SH3BGRL: variants seen among roughly 807,000 people sequenced by gnomAD.
SH3BGRL encodes the protein adapter SH3BGRL.
SH3BGRL carries 7 observed loss-of-function variants against 9.8 expected under a neutral mutation model. The observed-to-expected ratio is 0.72, with a 90% confidence interval of 0.41 to 1.35. SH3BGRL has a LOEUF of 1.35. SH3BGRL is among the 40% of genes most tolerant of loss of function. SH3BGRL has a pLI of 0.01. For missense variants in SH3BGRL, 73 were observed against 84.4 expected (o/e 0.86, Z 0.53); for synonymous variants, 36 against 29.1 (o/e 1.24, Z -0.76).
chrX:81,262,288 G>A (rs1482726743), intron 1 of SH3BGRL, among the ~76,000 whole-genome samples: 2 of 111,354 alleles, frequency 1.8e-5, no homozygotes, highest in Non-Finnish European at 3.8e-5. Flanking sequence ...ACTATAACCA[G>A]TTATTCAAGG....
intron 1 of SH3BGRL, among the ~76,000 whole-genome samples, chrX:81,211,627 C>A (rs189066986): frequency 9.0e-6 from 1 of 111,156 alleles, no homozygotes; most frequent in Non-Finnish European, 1.9e-5. Flanking sequence ...GGCAGATCCA[C>A]CCTAAATCTG....
intron 1 of SH3BGRL, among the ~76,000 whole-genome samples, chrX:81,226,510 A>C (rs1379819547): frequency 2.9e-5 from 3 of 103,492 alleles, no homozygotes; most frequent in Non-Finnish European, 5.9e-5. Context: ...ATATATATCT[A>C]TATATATATA....
intron 3 of SH3BGRL, among the ~76,000 whole-genome samples, chrX:81,281,538 A>C (rs2075816601): frequency 8.9e-6 from 1 of 112,250 alleles, no homozygotes; most frequent in Non-Finnish European, 1.9e-5. Context: ...CAAAATGATT[A>C]TCAGCCAACA....
Position 81,260,478 on chromosome X carries a change from T to C in SH3BGRL, c.46-16506T>C, listed in dbSNP as rs140327946. 4.7e-3 allele frequency among the ~76,000 whole-genome samples: 528 copies of C among 111,574 alleles called. 4 individuals are homozygous for C. The highest frequency in any genetic ancestry group is 0.016 in the African/African-American group (506 of 30,754). On this transcript the variant is annotated intron_variant, in intron 1 of 3. Coordinates refer to ENST00000373212, the MANE Select transcript of SH3BGRL (RefSeq NM_003022.3). ...CACTTAATACATAATAATTATTGTA[T>C]TATACTTTACAATACAATTATATCT...
intron 1 of SH3BGRL, among the ~76,000 whole-genome samples, chrX:81,273,793 A>T (rs1289928286): frequency 1.8e-5 from 2 of 110,069 alleles, no homozygotes; most frequent in Non-Finnish European, 3.8e-5. Context: ...AAACTTTGTC[A>T]CTCCCCTTTT....
intron 1 of SH3BGRL, among the ~76,000 whole-genome samples, chrX:81,267,191 C>G (rs11161760): frequency 9.0e-6 from 1 of 111,492 alleles, no homozygotes; most frequent in African/African-American, 3.3e-5. Context: ...AATTGAATAC[C>G]CTTTATTTCT....
chrX:81,279,917 G>A, intron 3 of SH3BGRL, among the ~76,000 whole-genome samples: 1 of 111,772 alleles, frequency 8.9e-6, no homozygotes, highest in Admixed American at 9.4e-5. Context: ...TCGCAGCTGG[G>A]AGGTGGATAG....
At chrX:81,250,093 T>C (rs1011513214) in intron 1 of SH3BGRL, among the ~76,000 whole-genome samples, 4 of 110,193 alleles carry the variant, frequency 3.6e-5, no homozygotes, top group African/African-American at 1.3e-4. Context: ...GGACTTGCTT[T>C]TTCTTTCTTA....
intron 3 of SH3BGRL, 110 bp downstream of exon 3, chrX:81,278,521 C>G: frequency 2.1e-6 from 1 of 486,484 alleles, no homozygotes; most frequent in Non-Finnish European, 3.3e-6. Context: ...CAGAGACAAT[C>G]CTTTATAGCA....
At chrX:81,283,560 A>G (rs2075824742) in intron 3 of SH3BGRL, among the ~76,000 whole-genome samples, 1 of 112,164 alleles carries the variant, frequency 8.9e-6, no homozygotes, top group Admixed American at 9.4e-5. Context: ...AGAATTAAAA[A>G]CAAAAGTTAC....
At chrX:81,218,525 C>T (rs1367779535) in intron 1 of SH3BGRL, among the ~76,000 whole-genome samples, 1 of 107,888 alleles carries the variant, frequency 9.3e-6, no homozygotes, top group Non-Finnish European at 1.9e-5. Context: ...ATACAAAATT[C>T]TTAGCTTATT....
intron 1 of SH3BGRL, among the ~76,000 whole-genome samples, chrX:81,247,815 G>T (rs1427240375): frequency 5.4e-5 from 6 of 110,548 alleles, no homozygotes; most frequent in Non-Finnish European, 1.1e-4. Flanking sequence ...GGTAATGCTG[G>T]TTTTTTAGAA....
intron 1 of SH3BGRL, among the ~76,000 whole-genome samples, chrX:81,245,055 A>G (rs952994599): frequency 8.9e-6 from 1 of 112,132 alleles, no homozygotes; most frequent in African/African-American, 3.2e-5. Flanking sequence ...CTTCTGATTT[A>G]GAATTAGGCC....
chrX:81,258,679 T>C (rs1364626743), intron 1 of SH3BGRL, among the ~76,000 whole-genome samples: 1 of 112,079 alleles, frequency 8.9e-6, no homozygotes, highest in East Asian at 2.8e-4. Context: ...ACCCTGGAGT[T>C]CAAGTGGAAG....
At chrX:81,240,889 G>T (rs945161300) in intron 1 of SH3BGRL, among the ~76,000 whole-genome samples, 1 of 112,763 alleles carries the variant, frequency 8.9e-6, no homozygotes, top group African/African-American at 3.2e-5. Flanking sequence ...AGCCAGTGGG[G>T]GCTGGTAACA....
chrX:81,222,305 A>C, intron 1 of SH3BGRL, among the ~76,000 whole-genome samples: 1 of 100,466 alleles, frequency 1.0e-5, no homozygotes, highest in African/African-American at 3.6e-5. Context: ...TATATCTCCT[A>C]ATGCTATCCC....
chrX:81,275,318 C>G (rs769656962), intron 1 of SH3BGRL, among the ~76,000 whole-genome samples: 1 of 111,065 alleles, frequency 9.0e-6, no homozygotes, highest in African/African-American at 3.3e-5. Flanking sequence ...AGGCCAGTCT[C>G]GAATTCCTGG....
At chrX:81,273,029 A>G (rs1194860873) in intron 1 of SH3BGRL, among the ~76,000 whole-genome samples, 1 of 112,222 alleles carries the variant, frequency 8.9e-6, no homozygotes, top group East Asian at 2.8e-4. Context: ...GTGAGCATCC[A>G]TTTAGAAAGT....
intron 1 of SH3BGRL, among the ~76,000 whole-genome samples, chrX:81,220,362 T>C (rs1279828449): frequency 9.0e-6 from 1 of 111,534 alleles, no homozygotes; most frequent in African/African-American, 3.3e-5. Flanking sequence ...TGTATCTGTC[T>C]AGGAATTTAT....
Sources: gnomAD v4.1 joint callset for allele counts (sites outside exome capture counted in the v4.1 genomes callset) on GRCh38, gnomAD v4.1.1 for gene constraint, MANE v1.5 for transcripts, NCBI Gene and HGNC (gene_info 2026-07-23, HGNC 2026-07-21) for gene names.